Variants in CHD7 observed in about 807,000 individuals in gnomAD.
The protein encoded by CHD7 is chromodomain helicase DNA binding protein 7.
CHD7 carries 24 observed loss-of-function variants against 307.3 expected under a neutral mutation model. The observed-to-expected ratio is 0.08, with a 90% CI of 0.06 to 0.11. The LOEUF (loss-of-function observed/expected upper bound fraction) is 0.11. Among genes scored for constraint, CHD7 ranks in the 10% least tolerant of loss-of-function variants. The pLI, the probability that CHD7 is intolerant of heterozygous loss-of-function variation, is 1.00. For missense variants in CHD7, 3,106 were observed against 3,727.1 expected (o/e 0.83, Z 4.34); for synonymous variants, 1,363 against 1,349.9 (o/e 1.01, Z -0.21).
At chr8:60,771,404 A>G (rs777375642) in intron 2 of CHD7, among the ~76,000 whole-genome samples, 2 of 152,234 alleles carry the variant, frequency 1.3e-5, no homozygotes, top group Non-Finnish European at 2.9e-5. Context: ...CCTAATTTGA[A>G]TATCTGAAAT....
intron 21 of CHD7, among the ~76,000 whole-genome samples, chr8:60,844,351 G>T (rs1320991094): frequency 2.0e-5 from 3 of 152,174 alleles, no homozygotes; most frequent in Non-Finnish European, 2.9e-5. Context: ...GTTTCAAAAG[G>T]AACCTCAGAG....
chr8:60,777,156 C>A (rs1293443386), intron 2 of CHD7, among the ~76,000 whole-genome samples: 1 of 152,184 alleles, frequency 6.6e-6, no homozygotes, highest in Non-Finnish European at 1.5e-5. Flanking sequence ...TTCTGGTCCG[C>A]TTGGTACCAT....
chr8:60,823,675 C>A (rs1246308188), intron 12 of CHD7, among the ~76,000 whole-genome samples, 165 bp from the exon 13 acceptor site: 1 of 152,052 alleles, frequency 6.6e-6, no homozygotes, highest in African/African-American at 2.4e-5. Flanking sequence ...TCTGTTTTAC[C>A]ATATCGTTTA....
At chr8:60,844,169 A>G (rs1248665487) in intron 21 of CHD7, among the ~76,000 whole-genome samples, 1 of 152,160 alleles carries the variant, frequency 6.6e-6, no homozygotes, top group Non-Finnish European at 1.5e-5. Flanking sequence ...ACAGCACAGC[A>G]CTGTTTAGCC....
chr8:60,790,642 A>C (rs1662467266), intron 3 of CHD7, among the ~76,000 whole-genome samples: 1 of 152,180 alleles, frequency 6.6e-6, no homozygotes, highest in South Asian at 2.1e-4. Context: ...TATTACTTGT[A>C]CTGTTGTAAC....
At chr8:60,723,682 C>T (rs1044369096) in intron 1 of CHD7, among the ~76,000 whole-genome samples, 2 of 152,166 alleles carry the variant, frequency 1.3e-5, no homozygotes, top group Non-Finnish European at 2.9e-5. Flanking sequence ...TCAGTGATAA[C>T]GCGAATGGTT....
Position 60,741,328 on chromosome 8 carries a change from G to A in CHD7, c.-105G>A, listed in dbSNP as rs1469211655. The A allele has an allele frequency of 5.1e-6, 4 of 784,136 alleles. No homozygotes were observed. The highest frequency in any genetic ancestry group is 5.7e-5 in the Admixed American group (2 of 35,056). 48.6% of individuals were successfully genotyped at this position (784,136 alleles called of 1,614,324 possible). A position where few individuals can be genotyped will look rare whatever the true frequency, so the allele number is the denominator to read the frequency against. ...TTAAAGAAATATGGAATGACATGAA[G>A]AAGATTAGTTAAGGATTATAGGCTT... On this transcript the variant is annotated 5_prime_UTR_variant, in exon 2 of 38. Coordinates refer to ENST00000423902, the MANE Select transcript of CHD7 (RefSeq NM_017780.4).
chr8:60,833,099 A>G (rs1189894965), intron 15 of CHD7, among the ~76,000 whole-genome samples: 1 of 152,218 alleles, frequency 6.6e-6, no homozygotes, highest in Non-Finnish European at 1.5e-5. Context: ...TCTCATCCAC[A>G]GTCTGGAGTA....
chr8:60,793,260 T>C (rs945859543), intron 3 of CHD7, among the ~76,000 whole-genome samples: 1 of 152,172 alleles, frequency 6.6e-6, no homozygotes, highest in Non-Finnish European at 1.5e-5. Context: ...TTTTTTTTAA[T>C]TTTAAAAATA....
In CHD7 at chr8:60,795,100, TGAA is replaced by T. The variant is rs772408899; in HGVS notation, c.2217_2219del (p.Glu739del). 1 of 1,613,718 alleles carries T rather than the reference TGAA, an allele frequency of 6.2e-7. No individual in the cohort carries two copies. The highest frequency in any genetic ancestry group is 8.5e-7 in the Non-Finnish European group (1 of 1,179,732). ...AAACACCCCCACCATCTCCTCCTCC[TGAA>T]GAAGATGAGGACCCAGGTGTTCAGG... On this transcript the variant is annotated inframe_deletion, in exon 4 of 38. Coordinates refer to ENST00000423902, the MANE Select transcript of CHD7 (RefSeq NM_017780.4).
At chr8:60,816,896 A>C (rs991418738) in intron 8 of CHD7, among the ~76,000 whole-genome samples, 1 of 152,204 alleles carries the variant, frequency 6.6e-6, no homozygotes, top group Non-Finnish European at 1.5e-5. Flanking sequence ...GTATGTGGCA[A>C]ATTTCTTTTG....
At chr8:60,796,599 T>C (rs1812045194) in intron 4 of CHD7, among the ~76,000 whole-genome samples, 1 of 140,000 alleles carries the variant, frequency 7.1e-6, no homozygotes, top group African/African-American at 2.7e-5. Flanking sequence ...ATGGACCTTA[T>C]GAAATACTAG....
In CHD7 at chr8:60,678,776, GGCGGCGGCGGCGGCA is replaced by G. The variant is rs1213714093; in HGVS notation, c.-466_-452del. Reference sequence around the variant, plus strand: ...GGCGTGCTGGGGCCGCGGCGGCGGCGGCGGCGGCGGCGGCAGCGGCGGCGGCGGCGGCGGCGCGGG... The same window carrying G: ...GGCGTGCTGGGGCCGCGGCGGCGGCGGCGGCGGCGGCGGCGGCGGCGCGGG... On this transcript the variant is annotated 5_prime_UTR_variant, in exon 1 of 38. Transcript: ENST00000423902. The G allele has an allele frequency of 6.2e-3, 890 of 143,530 alleles. 7 individuals carry two copies. The highest frequency in any genetic ancestry group is 9.2e-3 in the Non-Finnish European group (602 of 65,414). 8.9% of individuals were successfully genotyped at this position (143,530 alleles called of 1,614,324 possible). A position where few individuals can be genotyped will look rare whatever the true frequency, so the allele number is the denominator to read the frequency against.
intron 1 of CHD7, among the ~76,000 whole-genome samples, chr8:60,699,571 C>T (rs1476381165): frequency 6.6e-6 from 1 of 151,846 alleles, no homozygotes; most frequent in African/African-American, 2.4e-5. Flanking sequence ...GGAGCCAGCT[C>T]TGTCTGTCCC....
intron 1 of CHD7, among the ~76,000 whole-genome samples, chr8:60,739,904 T>C (rs1190773286): frequency 2.0e-5 from 3 of 152,202 alleles, no homozygotes; most frequent in Admixed American, 6.5e-5. Flanking sequence ...TTCAACAAGA[T>C]ATTGTTTTTT....
chr8:60,780,860 A>G (rs1811181359), intron 2 of CHD7, 140 bp from the exon 3 acceptor site: 1 of 1,098,494 alleles, frequency 9.1e-7, no homozygotes, highest in South Asian at 3.2e-5. Flanking sequence ...AAGCTGATAG[A>G]TTCTACAACT....
intron 1 of CHD7, among the ~76,000 whole-genome samples, chr8:60,689,376 A>G (rs1378641578): frequency 2.0e-5 from 3 of 152,256 alleles, no homozygotes; most frequent in East Asian, 3.8e-4. Context: ...TACATGAACT[A>G]TTTCTGCTGA....
rs566341428 is a variant in CHD7 at position 60,702,787 on chromosome 8, A to G, written c.-175+23705A>G. Reference sequence around the variant, plus strand: ...AAGAGAAGCCATCTATTTAGCACATACTTTTGTGGGTTGGCAGTTTGGATT... The same window carrying G: ...AAGAGAAGCCATCTATTTAGCACATGCTTTTGTGGGTTGGCAGTTTGGATT... On this transcript the variant is annotated intron_variant, in intron 1 of 37. Coordinates refer to ENST00000423902, the MANE Select transcript of CHD7 (RefSeq NM_017780.4). Among the ~76,000 whole-genome samples, 5 of 152,312 alleles carry G rather than the reference A, an allele frequency of 3.3e-5. No individual in the cohort carries two copies. In the East Asian group the frequency reaches 9.6e-4, roughly 29 times the overall value.
At chr8:60,709,659 T>G (rs1243135486) in intron 1 of CHD7, among the ~76,000 whole-genome samples, 3 of 152,196 alleles carry the variant, frequency 2.0e-5, no homozygotes, top group African/African-American at 4.8e-5. Flanking sequence ...GAGGGTAAAA[T>G]AAATCTTTAG....
Sources: allele counts gnomAD v4.1 joint callset (sites outside exome capture counted in the v4.1 genomes callset), GRCh38; gene constraint gnomAD v4.1.1; transcripts MANE v1.5; gene names NCBI Gene and HGNC (gene_info 2026-07-23, HGNC 2026-07-21).